Variants in SLC5A4 observed in about 807,000 individuals in gnomAD.
The protein encoded by SLC5A4 is probable glucose sensor protein SLC5A4.
Under a neutral mutation model 70.3 loss-of-function variants are expected in SLC5A4, and 55 were observed. The observed-to-expected ratio is 0.78, with a 90% confidence interval of 0.63 to 0.98. The LOEUF is 0.98. Ranked by LOEUF, SLC5A4 falls within the 50% of genes least tolerant of loss-of-function variation. SLC5A4 has a pLI of 0.00. For missense variants in SLC5A4, 735 were observed against 839.2 expected (o/e 0.88, Z 1.53); for synonymous variants, 268 against 305.7 (o/e 0.88, Z 1.29).
intron 5 of SLC5A4, among the ~76,000 whole-genome samples, chr22:32,241,859 G>GTA (rs149723919): frequency 3.0e-4 from 41 of 135,034 alleles, no homozygotes; most frequent in African/African-American, 1.1e-3. Flanking sequence ...GTGTGTGTGT[G>GTA]TGTATATATA....
rs780626840 is a variant in SLC5A4, at chr22:32,218,529, G to A, written c.1965C>T (p.His655=). ...ILLLAVVVFI[H]GYYA ...CAGATAGAGTTCAGGCATAGTAGCC[G>A]TGAATAAAGACCACCACAGCCAGGA... The change falls in exon 15 of 15, where the codon CAC becomes CAT. Residue 655 remains histidine (H), a synonymous_variant. Coordinates refer to ENST00000266086, the MANE Select transcript of SLC5A4 (RefSeq NM_014227.3). 24 of 1,606,998 alleles carry A rather than the reference G, an allele frequency of 1.5e-5. No homozygotes were observed. The Admixed American group carries it at 3.2e-4, about 21-fold the overall frequency.
intron 11 of SLC5A4, among the ~76,000 whole-genome samples, chr22:32,228,542 C>A (rs1397638636): frequency 1.0e-4 from 15 of 145,734 alleles, no homozygotes; most frequent in South Asian, 2.2e-4. Context: ...AACTCTGTCT[C>A]AAAAAAAAAA....
At chr22:32,339,765 G>A in the SLC5A4 span, among the ~76,000 whole-genome samples, 42 of 152,270 alleles carry the variant, frequency 2.8e-4, no homozygotes, top group Non-Finnish European at 5.4e-4. Flanking sequence ...CCCTCACCTC[G>A]TTTAAACCCC....
At chr22:32,324,278 T>TAC in the SLC5A4 span, among the ~76,000 whole-genome samples, 9 of 151,656 alleles carry the variant, frequency 5.9e-5, no homozygotes, top group South Asian at 8.3e-4. Flanking sequence ...TATATATATA[T>TAC]ACACACATAT....
chr22:32,350,656 A>G, the SLC5A4 span, among the ~76,000 whole-genome samples: 8 of 152,180 alleles, frequency 5.3e-5, no homozygotes, highest in Non-Finnish European at 1.5e-5. Context: ...ATTGAGAAAC[A>G]CACCTAAGAA....
the SLC5A4 span, chr22:32,268,398 C>T: frequency 6.6e-6 from 1 of 152,180 alleles, no homozygotes; most frequent in Admixed American, 6.5e-5. Context: ...GCATCCGCTG[C>T]ATCAGTTCAC....
chr22:32,336,377 G>A, the SLC5A4 span, among the ~76,000 whole-genome samples: 1 of 152,322 alleles, frequency 6.6e-6, no homozygotes, highest in African/African-American at 2.4e-5. Context: ...CACGCAAGCT[G>A]GCATCTTTGT....
chr22:32,290,000 G>A, the SLC5A4 span, among the ~76,000 whole-genome samples: 1 of 152,054 alleles, frequency 6.6e-6, no homozygotes, highest in Admixed American at 6.5e-5. Context: ...TGATTGGCGT[G>A]GTTTCTAGAA....
At chr22:32,291,875 TATC>T in the SLC5A4 span, among the ~76,000 whole-genome samples, 66,376 of 140,448 alleles carry the variant, frequency 0.47, 15,964 homozygotes, top group Admixed American at 0.5. Context: ...TTTTCTTTTC[TATC>T]TTTTTTTTTT....
the SLC5A4 span, among the ~76,000 whole-genome samples, chr22:32,319,278 G>C: frequency 6.6e-6 from 1 of 151,252 alleles, no homozygotes; most frequent in Non-Finnish European, 1.5e-5. Flanking sequence ...TCAGGCCCTC[G>C]ACCACACTGG....
chr22:32,304,142 T>G, the SLC5A4 span, among the ~76,000 whole-genome samples: 1 of 152,196 alleles, frequency 6.6e-6, no homozygotes, highest in Non-Finnish European at 1.5e-5. Context: ...TTTCCTTTCT[T>G]TTTTTTGAGA....
chr22:32,325,195 C>G, the SLC5A4 span, among the ~76,000 whole-genome samples: 2 of 152,250 alleles, frequency 1.3e-5, no homozygotes, highest in African/African-American at 4.8e-5. Flanking sequence ...ACTGTGGCGC[C>G]TTCGCCAGGC....
chr22:32,221,338 C>A (rs1925069465), intron 13 of SLC5A4, among the ~76,000 whole-genome samples: 1 of 152,218 alleles, frequency 6.6e-6, no homozygotes, highest in African/African-American at 2.4e-5. Context: ...CAGCTTCACT[C>A]ATTGTCCTTA....
chr22:32,344,816 G>A, the SLC5A4 span, among the ~76,000 whole-genome samples: 1 of 151,728 alleles, frequency 6.6e-6, no homozygotes, highest in African/African-American at 2.4e-5. Flanking sequence ...TCCTTATATT[G>A]TACACATTCC....
At chr22:32,350,852 T>C in the SLC5A4 span, among the ~76,000 whole-genome samples, 1 of 151,776 alleles carries the variant, frequency 6.6e-6, no homozygotes, top group East Asian at 1.9e-4. Context: ...TGATACAATA[T>C]ATATTGTTTC....
chr22:32,305,626 TCTC>T, the SLC5A4 span, among the ~76,000 whole-genome samples: 4 of 147,758 alleles, frequency 2.7e-5, 1 homozygote, highest in Non-Finnish European at 4.4e-5. Context: ...GCCTGTCCCT[TCTC>T]CTGCTGGCGG....
chr22:32,317,986 A>G, the SLC5A4 span, among the ~76,000 whole-genome samples: 1 of 152,132 alleles, frequency 6.6e-6, no homozygotes, highest in Non-Finnish European at 1.5e-5. Context: ...AAAGACCTCC[A>G]TGTTAATAAA....
chr22:32,336,574 T>A, the SLC5A4 span, among the ~76,000 whole-genome samples: 2 of 152,220 alleles, frequency 1.3e-5, no homozygotes, highest in African/African-American at 2.4e-5. Context: ...ATGTTGCCTG[T>A]TAGGAGCTTG....
chr22:32,246,622 T>G (rs62239057), intron 5 of SLC5A4, among the ~76,000 whole-genome samples: 5,145 of 152,120 alleles, frequency 0.034, 103 homozygotes, highest in South Asian at 0.053. Flanking sequence ...CTGCCTCCCG[T>G]GTTCAAGCTA....
Sources: gnomAD v4.1 joint callset for allele counts (sites outside exome capture counted in the v4.1 genomes callset) on GRCh38, gnomAD v4.1.1 for gene constraint, MANE v1.5 for transcripts, NCBI Gene and HGNC (gene_info 2026-07-23, HGNC 2026-07-21) for gene names.